Variants in PDZD2 observed in about 807,000 individuals in gnomAD.
PDZD2 encodes the protein PDZ domain containing 2.
Under a neutral mutation model 220.7 loss-of-function variants are expected in PDZD2, and 90 were observed. That is an observed-to-expected ratio of 0.41 (90% CI 0.34 to 0.49). The LOEUF (loss-of-function observed/expected upper bound fraction) is 0.49. PDZD2 is among the 20% of genes least tolerant of loss of function. The pLI is 0.28. For synonymous variants in PDZD2, 1,375 were observed against 1,450.5 expected, an observed-to-expected ratio of 0.95 and a Z score of 1.18; for missense variants, 3,174 against 3,608.5, an observed-to-expected ratio of 0.88 and a Z score of 3.08.
At chr5:31,864,523 C>G (rs1738010285) in intron 2 of PDZD2, among the ~76,000 whole-genome samples, 2 of 146,476 alleles carry the variant, frequency 1.4e-5, no homozygotes, top group Non-Finnish European at 3.0e-5. Flanking sequence ...GAATTGCATC[C>G]TTTTTTTTTT....
chr5:32,070,903 G>GAGAACTGCTTGAACCCAGGAGGC (rs56171290), intron 15 of PDZD2, among the ~76,000 whole-genome samples: 1 of 151,488 alleles, frequency 6.6e-6, no homozygotes, highest in African/African-American at 2.4e-5. Context: ...GCTGAGACAG[G>GAGAACTGCTTGAACCCAGGAGGC]AGAGGTTTCA....
At chr5:32,044,543 G>C (rs1737741303) in intron 7 of PDZD2, among the ~76,000 whole-genome samples, 2 of 152,140 alleles carry the variant, frequency 1.3e-5, no homozygotes, top group African/African-American at 4.8e-5. Context: ...AGGACAAAAT[G>C]AATGAGAGAT....
At chr5:31,888,751 G>A (rs908301778) in intron 2 of PDZD2, among the ~76,000 whole-genome samples, 11 of 152,280 alleles carry the variant, frequency 7.2e-5, no homozygotes, top group East Asian at 1.9e-4. Flanking sequence ...AGAGAAGTCC[G>A]TAAGCTTGAC....
intron 6 of PDZD2, among the ~76,000 whole-genome samples, chr5:32,031,982 T>C (rs1755157353): frequency 6.6e-6 from 1 of 152,268 alleles, no homozygotes; most frequent in South Asian, 2.1e-4. Flanking sequence ...CCTGTGCTTA[T>C]AGTTTATACA....
At position 32,002,642 on chromosome 5, in the gene PDZD2, A is replaced by ACC. The variant is rs1295172908; in HGVS notation, c.1254+2372_1254+2373insCC. 4.0e-5 allele frequency among the ~76,000 whole-genome samples: 5 copies of ACC among 125,512 alleles called. 1 individual carries two copies. Among genetic ancestry groups the ACC allele is most frequent in the Non-Finnish European group, 8.7e-5 (5 of 57,632 alleles). 82.3% of individuals were successfully genotyped at this position (125,512 alleles called of 152,430 possible). ...ACACACACCAACACACCACCAACACACACACCCCACATACTACACACACAC... is the reference window on the plus strand; with the variant it reads ...ACACACACCAACACACCACCAACACACCCACACCCCACATACTACACACACAC... On this transcript the variant is annotated intron_variant, in intron 5 of 24. Coordinates refer to ENST00000438447, the MANE Select transcript of PDZD2 (RefSeq NM_178140.4).
intron 1 of PDZD2, among the ~76,000 whole-genome samples, chr5:31,651,932 G>A (rs1745365966): frequency 1.3e-5 from 2 of 148,986 alleles, no homozygotes; most frequent in African/African-American, 5.0e-5. Flanking sequence ...CAATTTTCCT[G>A]TCTCAGCCTC....
At chr5:31,958,116 G>A (rs568852334) in intron 2 of PDZD2, among the ~76,000 whole-genome samples, 1 of 151,542 alleles carries the variant, frequency 6.6e-6, no homozygotes, top group Non-Finnish European at 1.5e-5. Flanking sequence ...TTTTAAAAAT[G>A]TACACATTTA....
At chr5:32,026,138 A>ATTT (rs142134117) in intron 6 of PDZD2, among the ~76,000 whole-genome samples, 69,682 of 140,000 alleles carry the variant, frequency 0.5, 18,110 homozygotes, top group South Asian at 0.61. Flanking sequence ...GTTGACTACT[A>ATTT]TTTTTTTTTT....
intron 7 of PDZD2, among the ~76,000 whole-genome samples, chr5:32,042,691 G>C (rs1351540305): frequency 6.6e-6 from 1 of 152,234 alleles, no homozygotes; most frequent in Non-Finnish European, 1.5e-5. Flanking sequence ...GGACCGAAAG[G>C]AGTGGTGATG....
At chr5:31,995,468 C>A in intron 3 of PDZD2, 108 bp from the exon 4 acceptor site, 1 of 1,128,220 alleles carries the variant, frequency 8.9e-7, no homozygotes, top group Non-Finnish European at 1.3e-6. Flanking sequence ...TCTGTGATAT[C>A]TGTGGACAAG....
chr5:31,698,825 C>A (rs1449174512), intron 1 of PDZD2, among the ~76,000 whole-genome samples: 3 of 152,194 alleles, frequency 2.0e-5, no homozygotes, highest in African/African-American at 7.2e-5. Flanking sequence ...CCTGCAGATT[C>A]GGGCGGCAGC....
At chr5:32,040,257 G>A (rs1755952644) in intron 7 of PDZD2, among the ~76,000 whole-genome samples, 1 of 150,056 alleles carries the variant, frequency 6.7e-6, no homozygotes, top group African/African-American at 2.5e-5. Flanking sequence ...GCCCCGTCTG[G>A]GATGTGAGGA....
chr5:31,874,500 C>T (rs1367074771), intron 2 of PDZD2, among the ~76,000 whole-genome samples: 3 of 152,130 alleles, frequency 2.0e-5, no homozygotes, highest in Non-Finnish European at 4.4e-5. Context: ...GTGGCTCACA[C>T]CTGTAATCCC....
chr5:31,676,554 T>C (rs1049836059), intron 1 of PDZD2, among the ~76,000 whole-genome samples: 6 of 150,404 alleles, frequency 4.0e-5, no homozygotes, highest in Non-Finnish European at 7.4e-5. Context: ...TGTAGAACAA[T>C]TTCTTTGCTT....
In PDZD2 at chr5:31,957,332, C is replaced by T. The variant is rs1747800961; in HGVS notation, c.477-25823C>T. Among the ~76,000 whole-genome samples, 4 of 152,178 alleles carry T rather than the reference C, an allele frequency of 2.6e-5. No homozygotes were observed. The South Asian group carries it at 8.3e-4, about 32-fold the overall frequency. On this transcript the variant is annotated intron_variant, in intron 2 of 24. Transcript: ENST00000438447. ...CGCCAGTCACGCAGTGGTTCAAGCT[C>T]TAGGAATTTAATCTAGCACAAGAGC...
chr5:31,911,965 G>T (rs1477535291), intron 2 of PDZD2, among the ~76,000 whole-genome samples: 2 of 152,190 alleles, frequency 1.3e-5, no homozygotes, highest in East Asian at 3.8e-4. Flanking sequence ...ATGGGGTATG[G>T]TTGTTTCACA....
At chr5:31,686,964 T>C (rs1309760625) in intron 1 of PDZD2, among the ~76,000 whole-genome samples, 4 of 152,176 alleles carry the variant, frequency 2.6e-5, no homozygotes, top group Non-Finnish European at 5.9e-5. Context: ...TCACCTGCCA[T>C]GCGTGCAGGG....
intron 6 of PDZD2, among the ~76,000 whole-genome samples, chr5:32,017,949 G>A (rs1172329760): frequency 1.3e-5 from 2 of 151,912 alleles, no homozygotes; most frequent in South Asian, 2.1e-4. Flanking sequence ...TCCCAACCTC[G>A]CATTTTATAA....
chr5:32,008,952 G>C (rs988693063), intron 5 of PDZD2, among the ~76,000 whole-genome samples: 3 of 152,160 alleles, frequency 2.0e-5, no homozygotes, highest in Admixed American at 2.0e-4. Context: ...GCAAGGAAGA[G>C]TCCAAAGGGT....
Sources: gnomAD v4.1 joint callset for allele counts (sites outside exome capture counted in the v4.1 genomes callset) on GRCh38, gnomAD v4.1.1 for gene constraint, MANE v1.5 for transcripts, NCBI Gene and HGNC (gene_info 2026-07-23, HGNC 2026-07-21) for gene names.